Variants in STIM2 observed in about 807,000 individuals in gnomAD.
STIM2 encodes stromal interaction molecule 2.
Under a neutral mutation model 85.8 loss-of-function variants are expected in STIM2, and 31 were observed. That is an observed-to-expected ratio of 0.36 (90% CI 0.27 to 0.49). STIM2 has a LOEUF of 0.49. Ranked by LOEUF, STIM2 falls within the 20% of genes least tolerant of loss-of-function variation. The pLI is 0.98. For synonymous variants in STIM2, 356 were observed against 331.1 expected, an observed-to-expected ratio of 1.08 and a Z score of -0.82; for missense variants, 841 against 927.6, an observed-to-expected ratio of 0.91 and a Z score of 1.21.
intron 3 of STIM2, among the ~76,000 whole-genome samples, chr4:26,981,766 A>G (rs899564270): frequency 2.0e-5 from 3 of 152,144 alleles, no homozygotes; most frequent in Admixed American, 6.5e-5. Flanking sequence ...TTTGTTTGAT[A>G]TTTTTACATT....
chr4:26,934,306 C>T (rs1454968355), intron 2 of STIM2, among the ~76,000 whole-genome samples: 1 of 152,156 alleles, frequency 6.6e-6, no homozygotes, highest in Admixed American at 6.5e-5. Flanking sequence ...GATTATACAT[C>T]CTTTTTGGGT....
At chr4:26,990,313 C>T (rs576569124) in intron 3 of STIM2, among the ~76,000 whole-genome samples, 1 of 152,164 alleles carries the variant, frequency 6.6e-6, no homozygotes, top group Admixed American at 6.5e-5. Context: ...ACACTTTTAG[C>T]CAACTCATTT....
At chr4:26,903,357 G>C (rs1454943626) in intron 1 of STIM2, among the ~76,000 whole-genome samples, 2 of 152,110 alleles carry the variant, frequency 1.3e-5, no homozygotes, top group African/African-American at 4.8e-5. Flanking sequence ...AACCAGAGAG[G>C]CTCCTTGGAC....
At position 26,891,558 on chromosome 4, in the gene STIM2, TACACACACAC is replaced by T. The variant is rs71643700; in HGVS notation, c.152-27915_152-27906del. Among the ~76,000 whole-genome samples, 992 of 144,584 alleles carry T rather than the reference TACACACACAC, an allele frequency of 6.9e-3. 12 individuals carry two copies. Among genetic ancestry groups the T allele is most frequent in the African/African-American group, 0.019 (773 of 39,664 alleles). The allele number at this position is 144,584 out of a possible 152,430, so 94.9% of individuals were successfully genotyped here. A position where few individuals can be genotyped will look rare whatever the true frequency, so the allele number is the denominator to read the frequency against. On this transcript the variant is annotated intron_variant, in intron 1 of 11. Transcript: ENST00000467087. ...ATATAAAGATATGTGTATACATACA[TACACACACAC>T]ACACACACACACACACACACACACA...
chr4:26,993,458 C>A (rs950737446), intron 3 of STIM2, among the ~76,000 whole-genome samples: 2 of 152,122 alleles, frequency 1.3e-5, no homozygotes, highest in Non-Finnish European at 2.9e-5. Context: ...CTCTAAAGAA[C>A]ACTTAATAAA....
At chr4:26,915,009 C>T (rs532164895) in intron 1 of STIM2, among the ~76,000 whole-genome samples, 14 of 152,162 alleles carry the variant, frequency 9.2e-5, no homozygotes, top group Middle Eastern at 6.8e-3. Flanking sequence ...CATTTATGTT[C>T]GTTATACTGA....
At chr4:27,003,681 G>C (rs1489143452) in intron 7 of STIM2, among the ~76,000 whole-genome samples, 1 of 142,428 alleles carries the variant, frequency 7.0e-6, no homozygotes, top group Non-Finnish European at 1.5e-5. Flanking sequence ...GCTGTAAAAA[G>C]AAAAAAAAAA....
At chr4:26,936,435 T>A (rs1368642752) in intron 2 of STIM2, among the ~76,000 whole-genome samples, 1 of 152,188 alleles carries the variant, frequency 6.6e-6, no homozygotes, top group Non-Finnish European at 1.5e-5. Flanking sequence ...CAGCTTTCTC[T>A]TATTCTACTG....
At chr4:26,911,809 C>G (rs1394630583) in intron 1 of STIM2, among the ~76,000 whole-genome samples, 1 of 152,054 alleles carries the variant, frequency 6.6e-6, no homozygotes, top group Non-Finnish European at 1.5e-5. Flanking sequence ...TCATTTTTCT[C>G]TAAAAAATAT....
At chr4:27,016,781 A>G (rs1728746282) in intron 10 of STIM2, among the ~76,000 whole-genome samples, 1 of 152,238 alleles carries the variant, frequency 6.6e-6, no homozygotes, top group Non-Finnish European at 1.5e-5. Context: ...GAAGTTGCCC[A>G]TGCTGATGAT....
intron 2 of STIM2, among the ~76,000 whole-genome samples, chr4:26,941,727 T>A (rs1038368924): frequency 6.6e-6 from 1 of 151,364 alleles, no homozygotes; most frequent in Admixed American, 6.6e-5. Flanking sequence ...GAGCAGTACC[T>A]TTTAAAGGTA....
chr4:26,931,518 T>C (rs1436786691), intron 2 of STIM2, among the ~76,000 whole-genome samples: 1 of 152,156 alleles, frequency 6.6e-6, no homozygotes, highest in Admixed American at 6.5e-5. Flanking sequence ...ATAAAACCCA[T>C]TGTGTTCATC....
chr4:26,866,192 C>A (rs1387424442), intron 1 of STIM2, among the ~76,000 whole-genome samples: 1 of 152,170 alleles, frequency 6.6e-6, no homozygotes, highest in Non-Finnish European at 1.5e-5. Context: ...ACCTCCCCCA[C>A]AAGTAGTCCT....
At chr4:26,930,355 T>G (rs1725159441) in intron 2 of STIM2, among the ~76,000 whole-genome samples, 1 of 152,194 alleles carries the variant, frequency 6.6e-6, no homozygotes, top group Non-Finnish European at 1.5e-5. Context: ...TGTTTTCTGT[T>G]CTTACCTTTC....
chr4:26,967,210 T>C (rs1405880207), intron 3 of STIM2, among the ~76,000 whole-genome samples: 1 of 152,208 alleles, frequency 6.6e-6, no homozygotes, highest in Non-Finnish European at 1.5e-5. Context: ...AAACAGGTGT[T>C]TATCACTGGG....
chr4:26,887,173 A>G (rs1271111466), intron 1 of STIM2, among the ~76,000 whole-genome samples: 1 of 148,898 alleles, frequency 6.7e-6, no homozygotes, highest in Non-Finnish European at 1.5e-5. Context: ...CACCAAACCA[A>G]ATAATTAAAC....
chr4:26,940,921 G>T (rs1725588141), intron 2 of STIM2, among the ~76,000 whole-genome samples: 2 of 152,148 alleles, frequency 1.3e-5, no homozygotes, highest in Admixed American at 1.3e-4. Flanking sequence ...CCAAGAATTT[G>T]CATTTCTAAT....
chr4:26,891,674 C>A (rs1267500189), intron 1 of STIM2, among the ~76,000 whole-genome samples: 8 of 152,024 alleles, frequency 5.3e-5, no homozygotes, highest in Non-Finnish European at 8.8e-5. Flanking sequence ...GAGTAGCACA[C>A]CCAAATAAGG....
At chr4:26,947,566 G>T (rs1725879758) in intron 2 of STIM2, among the ~76,000 whole-genome samples, 1 of 152,046 alleles carries the variant, frequency 6.6e-6, no homozygotes, top group Admixed American at 6.6e-5. Flanking sequence ...GGCCACAGCC[G>T]CATCTTGATC....
Sources: allele counts gnomAD v4.1 joint callset (sites outside exome capture counted in the v4.1 genomes callset), GRCh38; gene constraint gnomAD v4.1.1; transcripts MANE v1.5; gene names NCBI Gene and HGNC (gene_info 2026-07-23, HGNC 2026-07-21).